Variants in CD93 observed in about 807,000 individuals in gnomAD.
CD93 encodes the protein complement component C1q receptor.
Under a neutral mutation model 45.5 loss-of-function variants are expected in CD93, and 44 were observed. The observed-to-expected ratio is 0.97, with a 90% CI of 0.76 to 1.24. The LOEUF (loss-of-function observed/expected upper bound fraction) is 1.24. Among genes scored for constraint, CD93 ranks in the 50% most tolerant of loss-of-function variants. The probability of loss-of-function intolerance (pLI) is 0.00; values close to 1 mark genes in which losing one functional copy is unlikely to be tolerated. For synonymous variants in CD93, 431 were observed against 370.8 expected, an observed-to-expected ratio of 1.16 and a Z score of -1.87; for missense variants, 918 against 844.5, an observed-to-expected ratio of 1.09 and a Z score of -1.08.
At position 23,084,637 on chromosome 20, in the gene CD93, G is replaced by A; in HGVS notation, c.1556C>T (p.Pro519Leu). The A allele has an allele frequency of 6.2e-7, 1 of 1,601,636 alleles. No homozygotes were observed. Among genetic ancestry groups the A allele is most frequent in the South Asian group, 1.1e-5 (1 of 89,448 alleles). ...GATGGGGGCGTCAGATGACAGCGAA[G>A]GTCTACTTGTGGTGGGTGTAGCCTT... ...TPKATPTTSR[P>L]SLSSDAPITS... The change falls in exon 1 of 2, where the codon CCT becomes CTT. Residue 519 changes from proline to leucine, a missense_variant. Transcript: ENST00000246006.
Position 23,079,536 on chromosome 20 carries a change from C to G in CD93, c.*4414G>C, listed in dbSNP as rs1405387027. On this transcript the variant is annotated 3_prime_UTR_variant, in exon 2 of 2. Transcript: ENST00000246006. ...AAACATGCACAGGATGAAGGTAAAT[C>G]CTGCATAGAAATCTTGTAATTCCAG... 1 of 152,176 alleles carries G rather than the reference C, an allele frequency of 6.6e-6. No homozygotes were observed. The highest frequency in any genetic ancestry group is 2.4e-5 in the African/African-American group (1 of 41,432). The allele number at this position is 152,176 out of a possible 1,614,324, so 9.4% of individuals were successfully genotyped here.
rs374161475 is a variant in CD93, at chr20:23,086,100, G to A, written c.93C>T (p.Cys31=). 200 of 1,594,542 alleles carry A rather than the reference G, an allele frequency of 1.3e-4. No homozygotes were observed. The highest frequency in any genetic ancestry group is 1.6e-4 in the Non-Finnish European group (185 of 1,177,322). ...GGGCCGTGTAGCAGGCGGTCCCCACGCAGACCACCGCCTCCGTGTCAGCTC... is the reference window on the plus strand; with the variant it reads ...GGGCCGTGTAGCAGGCGGTCCCCACACAGACCACCGCCTCCGTGTCAGCTC... The part of the protein sequence containing the change: ...GTGADTEAVV[C]VGTACYTAHS... Residue 31 remains cysteine (C), a synonymous_variant, in exon 1 of 2, where the codon TGC becomes TGT. Transcript: ENST00000246006.
At position 23,085,933 on chromosome 20, in the gene CD93, G is replaced by A; in HGVS notation, c.260C>T (p.Thr87Met). ...AATCCAGAACTTGCTCATCCTCGCC[G>A]TCAGGGCTGCCTCCCGCCTCAGGAG... The part of the protein sequence containing the change: ...AQLLRREAAL[T>M]ARMSKFWIGL... The change falls in exon 1 of 2, where the codon ACG becomes ATG. Residue 87 changes from threonine to methionine, a missense_variant. By Grantham distance (81) the Thr-to-Met change is moderately conservative. Transcript: ENST00000246006. The A allele has an allele frequency of 1.3e-6, 2 of 1,584,460 alleles. No homozygotes were observed. The highest frequency in any genetic ancestry group is 1.4e-5 in the African/African-American group (1 of 72,088).
rs1422503084 is a variant in CD93, at chr20:23,084,583, G to C, written c.1610C>G (p.Pro537Arg). Residue 537 changes from proline (P) to arginine (R), a missense_variant, in exon 1 of 2, where the codon CCC (proline) becomes CGC (arginine). Physicochemically the swap from Pro to Arg is moderately radical, Grantham distance 103. Coordinates refer to ENST00000246006, the MANE Select transcript of CD93 (RefSeq NM_012072.4). ...CCTCCAGACGCCTGGGGACCCACTG[G>C]GGGCCAGCATCTTGAGTGGGGCAGA... Reference protein sequence around the residue: ...ITSAPLKMLAPSGSPGVWREP... With the variant: ...ITSAPLKMLARSGSPGVWREP... 2 of 1,613,338 alleles carry C rather than the reference G, an allele frequency of 1.2e-6. No individual in the cohort carries two copies. Among genetic ancestry groups the C allele is most frequent in the Non-Finnish European group, 8.5e-7 (1 of 1,179,680 alleles).
rs760689943 is a variant in CD93 at position 23,085,126 on chromosome 20, T to C, written c.1067A>G (p.Gln356Arg). The change falls in exon 1 of 2, where the codon CAG becomes CGG. Residue 356 changes from glutamine to arginine, a missense_variant. Transcript: ENST00000246006. ...VDECQDSPCA[Q>R]ECVNTPGGFR... ...GCCCCCAGGGGTGTTGACACACTCC[T>C]GGGCACAGGGGGAGTCCTGGCATTC... 1.0e-5 allele frequency: 16 copies of C among 1,589,528 alleles called. No homozygotes were observed. Among genetic ancestry groups the C allele is most frequent in the Non-Finnish European group, 1.4e-5 (16 of 1,166,442 alleles).
Position 23,084,885 on chromosome 20 carries a change from G to C in CD93, c.1308C>G (p.Gly436=), listed in dbSNP as rs775041186. The C allele has an allele frequency of 5.0e-6, 8 of 1,612,796 alleles. No homozygotes were observed. Among genetic ancestry groups the C allele is most frequent in the Non-Finnish European group, 6.8e-6 (8 of 1,179,788 alleles). Residue 436 remains glycine, a synonymous_variant, in exon 1 of 2, where the codon GGC becomes GGG. Coordinates refer to ENST00000246006, the MANE Select transcript of CD93 (RefSeq NM_012072.4). Reference sequence around the variant, plus strand: ...TGAAGCACAAGCTGTCGCAGAGGGGGCCCCCCGGGCCCACACACTCATCCA... The same window carrying C: ...TGAAGCACAAGCTGTCGCAGAGGGGCCCCCCCGGGCCCACACACTCATCCA... The part of the protein sequence containing the change: ...QDVDECVGPG[G]PLCDSLCFNT...
At position 23,086,260 on chromosome 20, in the gene CD93, T is replaced by C; in HGVS notation, c.-68A>G. Reference sequence around the variant, plus strand: ...CGGCGACAGGAGCTTCTATCTCGGCTCCCAGCTGGGCCCCAAGGGGAGCTG... The same window carrying C: ...CGGCGACAGGAGCTTCTATCTCGGCCCCCAGCTGGGCCCCAAGGGGAGCTG... On this transcript the variant is annotated 5_prime_UTR_variant, in exon 1 of 2. Coordinates refer to ENST00000246006, the MANE Select transcript of CD93 (RefSeq NM_012072.4). 1 of 1,451,160 alleles carries C rather than the reference T, an allele frequency of 6.9e-7. No individual in the cohort carries two copies. Among genetic ancestry groups the C allele is most frequent in the Non-Finnish European group, 9.0e-7 (1 of 1,105,132 alleles). 89.9% of individuals were successfully genotyped at this position (1,451,160 alleles called of 1,614,324 possible).
Position 23,083,893 on chromosome 20 carries a change from TTCAAAGC to T in CD93, c.*50_*56del. On this transcript the variant is annotated 3_prime_UTR_variant, in exon 2 of 2. Coordinates refer to ENST00000246006, the MANE Select transcript of CD93 (RefSeq NM_012072.4). ...GTGGGTGCCCCTTTGGAATGGGGAG[TTCAAAGC>T]TCTGAGGATGGTGGCTGGTGACTCT... is the stretch of plus-strand genomic sequence containing the variant. 6.4e-7 allele frequency: 1 copy of T among 1,564,994 alleles called. No homozygotes were observed. Among genetic ancestry groups the T allele is most frequent in the East Asian group, 2.2e-5 (1 of 44,646 alleles).
chr20:23,085,860 C>T lies in CD93; in HGVS notation c.333G>A (p.Leu111=), dbSNP rs755845799. ...CCCCGCCCACCCAGCTGAAGCCCTT[C>T]AGCGGCAGACTAGGGTCCAGGCACT... ...KGKCLDPSLP[L]KGFSWVGGGE... The change falls in exon 1 of 2, where the codon CTG becomes CTA. Residue 111 remains leucine (L), a synonymous_variant. Coordinates refer to ENST00000246006, the MANE Select transcript of CD93 (RefSeq NM_012072.4). 7.1e-7 allele frequency: 1 copy of T among 1,404,478 alleles called. No individual in the cohort carries two copies. Among genetic ancestry groups the T allele is most frequent in the Admixed American group, 1.9e-5 (1 of 53,876 alleles). 87.0% of individuals were successfully genotyped at this position (1,404,478 alleles called of 1,614,324 possible).
At position 23,083,468 on chromosome 20, in the gene CD93, TC is replaced by T. The variant is rs1270897626; in HGVS notation, c.*481del. On this transcript the variant is annotated 3_prime_UTR_variant, in exon 2 of 2. Transcript: ENST00000246006. ...AGAAATGTTTCCAGTCCGAACATGT[TC>T]CCTTTGACCAAAAAACCAGATCTTC... is the stretch of plus-strand genomic sequence containing the variant. The T allele has an allele frequency of 1.2e-5, 2 of 160,132 alleles. No individual in the cohort carries two copies. The highest frequency in any genetic ancestry group is 4.8e-5 in the African/African-American group (2 of 41,640). 9.9% of individuals were successfully genotyped at this position (160,132 alleles called of 1,614,324 possible).
At chr20:23,084,019 G>A (rs1220508829) in intron 1 of CD93, 45 bp from the exon 2 acceptor site, 2 of 1,610,470 alleles carry the variant, frequency 1.2e-6, no homozygotes, top group African/African-American at 2.7e-5. Context: ...TGGCGCCTCT[G>A]TGCCTGCACG....
At position 23,084,547 on chromosome 20, in the gene CD93, A is replaced by G. The variant is rs372377909; in HGVS notation, c.1646T>C (p.Ile549Thr). The G allele has an allele frequency of 6.2e-7, 1 of 1,612,536 alleles. No homozygotes were observed. Among genetic ancestry groups the G allele is most frequent in the Non-Finnish European group, 8.5e-7 (1 of 1,179,072 alleles). ...GSPGVWREPS[I>T]HHATAASGPQ... ...GCCAGAGGCAGCTGTGGCGTGATGGATGCTGGGCTCCCTCCAGACGCCTGG... is the reference window on the plus strand; with the variant it reads ...GCCAGAGGCAGCTGTGGCGTGATGGGTGCTGGGCTCCCTCCAGACGCCTGG... The change falls in exon 1 of 2, where the codon ATC becomes ACC. Residue 549 changes from isoleucine to threonine, a missense_variant. Ile to Thr is a moderately conservative substitution (Grantham distance 89). Coordinates refer to ENST00000246006, the MANE Select transcript of CD93 (RefSeq NM_012072.4).
At position 23,080,404 on chromosome 20, in the gene CD93, A is replaced by T. The variant is rs1430563392; in HGVS notation, c.*3546T>A. 1 of 152,540 alleles carries T rather than the reference A, an allele frequency of 6.6e-6. No individual in the cohort carries two copies. The highest frequency in any genetic ancestry group is 1.9e-4 in the East Asian group (1 of 5,200). The allele number at this position is 152,540 out of a possible 1,614,324, so 9.4% of individuals were successfully genotyped here. On this transcript the variant is annotated 3_prime_UTR_variant, in exon 2 of 2. Transcript: ENST00000246006. Reference sequence around the variant, plus strand: ...AACAAGGGCTTGTGATGAGGATGGAAAAGACAAAGCAACTTGAAGAGAAAA... The same window carrying T: ...AACAAGGGCTTGTGATGAGGATGGATAAGACAAAGCAACTTGAAGAGAAAA...
In CD93 at chr20:23,084,262, T is replaced by C. The variant is rs776702004; in HGVS notation, c.1931A>G (p.Tyr644Cys). The change falls in exon 1 of 2, where the codon TAC becomes TGC. Residue 644 changes from tyrosine to cysteine, a missense_variant. By Grantham distance (194) the Tyr-to-Cys change is radical (BLOSUM62 -2). Coordinates refer to ENST00000246006, the MANE Select transcript of CD93 (RefSeq NM_012072.4). Reference sequence around the variant, plus strand: ...GGTCACTCAGGGCCCCCTTTACCTGTACTGGTTCTCCATGGCCCTGCTCTC... The same window carrying C: ...GGTCACTCAGGGCCCCCTTTACCTGCACTGGTTCTCCATGGCCCTGCTCTC... The part of the protein sequence containing the change: ...RAESRAMENQ[Y>C]SPTPGTDC 6.2e-7 allele frequency: 1 copy of C among 1,613,628 alleles called. No homozygotes were observed.
chr20:23,084,070 A>G (rs1985400226), intron 1 of CD93, 96 bp from the exon 2 acceptor site: 1 of 1,507,840 alleles, frequency 6.6e-7, no homozygotes, highest in East Asian at 2.3e-5. Context: ...GCCGTGCTGC[A>G]GATGGGCAGT....
rs1985266642 is a variant in CD93 at position 23,079,393 on chromosome 20, C to A, written c.*4557G>T. On this transcript the variant is annotated 3_prime_UTR_variant, in exon 2 of 2. Transcript: ENST00000246006. Reference sequence around the variant, plus strand: ...AGAGTTTATTAGGATAGGCACATAACAGAAAGCTCAAAGGACAACAAAGCT... The same window carrying A: ...AGAGTTTATTAGGATAGGCACATAAAAGAAAGCTCAAAGGACAACAAAGCT... 1.3e-5 allele frequency: 2 copies of A among 152,188 alleles called. No homozygotes were observed. The highest frequency in any genetic ancestry group is 4.8e-5 in the African/African-American group (2 of 41,450). 9.4% of individuals were successfully genotyped at this position (152,188 alleles called of 1,614,324 possible). A position where few individuals can be genotyped will look rare whatever the true frequency, so the allele number is the denominator to read the frequency against.
In CD93 at chr20:23,085,581, G is replaced by C; in HGVS notation, c.612C>G (p.Pro204=). Residue 204 remains proline (P), a synonymous_variant, in exon 1 of 2, where the codon CCC becomes CCG. Transcript: ENST00000246006. Reference sequence around the variant, plus strand: ...CCAAGGAGGAACTGGTGGTCTGGAAGGGGGTGGTGTAGGTCACCTGACCTG... The same window carrying C: ...CCAAGGAGGAACTGGTGGTCTGGAACGGGGTGGTGTAGGTCACCTGACCTG... The part of the protein sequence containing the change: ...GGPGQVTYTT[P]FQTTSSSLEA... 1 of 1,613,774 alleles carries C rather than the reference G, an allele frequency of 6.2e-7. No individual in the cohort carries two copies. The highest frequency in any genetic ancestry group is 8.5e-7 in the Non-Finnish European group (1 of 1,180,026).
In CD93 at chr20:23,085,566, A is replaced by G. The variant is rs1985469397; in HGVS notation, c.627T>C (p.Ser209=). ...VTYTTPFQTT[S]SSLEAVPFAS... ...CAAAGGGCACAGCCTCCAAGGAGGA[A>G]CTGGTGGTCTGGAAGGGGGTGGTGT... The change falls in exon 1 of 2, where the codon AGT becomes AGC. Residue 209 remains serine, a synonymous_variant. Transcript: ENST00000246006. The G allele has an allele frequency of 6.2e-7, 1 of 1,613,882 alleles. No homozygotes were observed.
At position 23,084,232 on chromosome 20, in the gene CD93, C is replaced by T. The variant is rs1444824287; in HGVS notation, c.1934+27G>A. On this transcript the variant is annotated intron_variant, in intron 1 of 1. Transcript: ENST00000246006. ...GTGCCCCCATGCCTGCCCATCCCCT[C>T]CCCCGGTCACTCAGGGCCCCCTTTA... 8 of 1,607,182 alleles carry T rather than the reference C, an allele frequency of 5.0e-6. No homozygotes were observed. In the East Asian group the frequency reaches 6.7e-5, roughly 13 times the overall value.
Sources: gnomAD v4.1 joint callset for allele counts on GRCh38, gnomAD v4.1.1 for gene constraint, MANE v1.5 for transcripts, NCBI Gene and HGNC (gene_info 2026-07-23, HGNC 2026-07-21) for gene names.